Variants in HS6ST3 observed in about 807,000 individuals in gnomAD.
The protein encoded by HS6ST3 is heparan sulfate 6-O-sulfotransferase 3.
Under a neutral mutation model 36.7 loss-of-function variants are expected in HS6ST3, and 12 were observed. That is an observed-to-expected ratio of 0.33 (90% CI 0.21 to 0.53). The LOEUF is 0.53. Ranked by LOEUF, HS6ST3 falls within the 20% of genes least tolerant of loss-of-function variation. HS6ST3 has a pLI of 0.95. For missense variants in HS6ST3, 584 were observed against 640.9 expected (o/e 0.91, Z 0.96); for synonymous variants, 240 against 257.5 (o/e 0.93, Z 0.65).
chr13:96,272,832 G>T (rs1236290814), intron 1 of HS6ST3, among the ~76,000 whole-genome samples: 1 of 151,882 alleles, frequency 6.6e-6, no homozygotes, highest in Non-Finnish European at 1.5e-5. Context: ...AGTTCTTAAA[G>T]GAATCACTTA....
At chr13:96,672,606 A>G (rs1178295300) in intron 1 of HS6ST3, among the ~76,000 whole-genome samples, 1 of 151,890 alleles carries the variant, frequency 6.6e-6, no homozygotes, top group African/African-American at 2.4e-5. Context: ...CCTGGATCTC[A>G]ATCCTTCTTT....
chr13:96,419,007 C>G (rs988363250), intron 1 of HS6ST3, among the ~76,000 whole-genome samples: 6 of 152,192 alleles, frequency 3.9e-5, no homozygotes, highest in African/African-American at 7.2e-5. Context: ...CCGATAAATG[C>G]CTTCTTGATT....
chr13:96,209,558 T>C (rs1214149654), intron 1 of HS6ST3, among the ~76,000 whole-genome samples: 1 of 152,146 alleles, frequency 6.6e-6, no homozygotes, highest in Non-Finnish European at 1.5e-5. Flanking sequence ...TGATACCTTT[T>C]TGGGAGAATT....
chr13:96,418,845 G>A (rs2055547996), intron 1 of HS6ST3, among the ~76,000 whole-genome samples: 1 of 152,184 alleles, frequency 6.6e-6, no homozygotes, highest in African/African-American at 2.4e-5. Flanking sequence ...AGGCTTCACT[G>A]GGTCATTCCA....
At chr13:96,529,275 GT>G (rs1345829316) in intron 1 of HS6ST3, among the ~76,000 whole-genome samples, 1 of 152,118 alleles carries the variant, frequency 6.6e-6, no homozygotes, top group African/African-American at 2.4e-5. Flanking sequence ...TATATATAAA[GT>G]ATTACTGTAG....
intron 1 of HS6ST3, among the ~76,000 whole-genome samples, chr13:96,278,461 G>A (rs1156819362): frequency 1.3e-5 from 2 of 152,078 alleles, no homozygotes. Context: ...TTGGCACTCG[G>A]TAAGTGGCTG....
intron 1 of HS6ST3, among the ~76,000 whole-genome samples, chr13:96,401,083 T>C (rs990230747): frequency 6.6e-6 from 1 of 152,150 alleles, no homozygotes; most frequent in Non-Finnish European, 1.5e-5. Context: ...AGGGAAGACA[T>C]CAAAGTAATT....
At chr13:96,301,077 T>C (rs1447487333) in intron 1 of HS6ST3, among the ~76,000 whole-genome samples, 2 of 152,192 alleles carry the variant, frequency 1.3e-5, no homozygotes, top group African/African-American at 4.8e-5. Flanking sequence ...AAGAGATGTA[T>C]GCTGAGTTAG....
At chr13:96,804,132 T>C (rs894455131) in intron 1 of HS6ST3, among the ~76,000 whole-genome samples, 4 of 149,892 alleles carry the variant, frequency 2.7e-5, no homozygotes, top group African/African-American at 9.9e-5. Flanking sequence ...CATGGGGTTT[T>C]CAGCCCTGTT....
chr13:96,547,571 TAA>T (rs777574763), intron 1 of HS6ST3, among the ~76,000 whole-genome samples: 40 of 152,212 alleles, frequency 2.6e-4, no homozygotes, highest in Non-Finnish European at 5.7e-4. Context: ...TTTAAAAAGT[TAA>T]AGACTTACAA....
chr13:96,441,741 C>A (rs1414512960), intron 1 of HS6ST3, among the ~76,000 whole-genome samples: 1 of 151,966 alleles, frequency 6.6e-6, no homozygotes, highest in Non-Finnish European at 1.5e-5. Flanking sequence ...AAAAATATTA[C>A]TATTGATATA....
intron 1 of HS6ST3, among the ~76,000 whole-genome samples, chr13:96,383,721 G>GT (rs894804816): frequency 2.6e-5 from 4 of 152,052 alleles, no homozygotes; most frequent in Non-Finnish European, 5.9e-5. Context: ...CCTCAAAGTG[G>GT]GGGGGACATA....
chr13:96,589,774 G>A (rs1374296277), intron 1 of HS6ST3, among the ~76,000 whole-genome samples: 1 of 151,858 alleles, frequency 6.6e-6, no homozygotes, highest in Non-Finnish European at 1.5e-5. Flanking sequence ...CCAATACTAG[G>A]TCTTATTCAT....
At chr13:96,524,798 T>A (rs1226375167) in intron 1 of HS6ST3, among the ~76,000 whole-genome samples, 1 of 152,148 alleles carries the variant, frequency 6.6e-6, no homozygotes, top group Non-Finnish European at 1.5e-5. Context: ...AATCCCCAGA[T>A]CCCTTGTGCT....
chr13:96,791,469 A>G (rs1346969719), intron 1 of HS6ST3, among the ~76,000 whole-genome samples: 2 of 151,996 alleles, frequency 1.3e-5, no homozygotes. Context: ...TAGCCTCAGA[A>G]TCCTCCTAAA....
intron 1 of HS6ST3, among the ~76,000 whole-genome samples, chr13:96,557,934 T>C (rs2056247327): frequency 6.6e-6 from 1 of 152,160 alleles, no homozygotes. Flanking sequence ...TTCTGTAAGA[T>C]GACAATAACA....
chr13:96,659,170 T>C (rs1329736165), intron 1 of HS6ST3, among the ~76,000 whole-genome samples: 2 of 152,356 alleles, frequency 1.3e-5, no homozygotes, highest in East Asian at 3.9e-4. Flanking sequence ...CTCTGCATTA[T>C]TGCCAACAAG....
At chr13:96,349,589 G>A (rs1433927221) in intron 1 of HS6ST3, among the ~76,000 whole-genome samples, 2 of 152,140 alleles carry the variant, frequency 1.3e-5, no homozygotes, top group Non-Finnish European at 2.9e-5. Context: ...TGTATTAATG[G>A]TATAGCTTAA....
intron 1 of HS6ST3, among the ~76,000 whole-genome samples, chr13:96,386,168 G>C (rs2055366805): frequency 6.6e-6 from 1 of 152,248 alleles, no homozygotes; most frequent in South Asian, 2.1e-4. Context: ...TTGACCACCT[G>C]CCCTCAGGGG....
Sources: gnomAD v4.1 joint callset for allele counts (sites outside exome capture counted in the v4.1 genomes callset) on GRCh38, gnomAD v4.1.1 for gene constraint, MANE v1.5 for transcripts, NCBI Gene and HGNC (gene_info 2026-07-23, HGNC 2026-07-21) for gene names.